ARHGEF26: variants seen among roughly 807,000 people sequenced by gnomAD.
The protein encoded by ARHGEF26 is Rho guanine nucleotide exchange factor (GEF) 26.
ARHGEF26 carries 59 observed loss-of-function variants against 89.4 expected under a neutral mutation model. The observed-to-expected ratio is 0.66, with a 90% confidence interval of 0.54 to 0.82. The LOEUF (loss-of-function observed/expected upper bound fraction) is 0.82, where lower values mean the gene tolerates loss of function less well. Among genes scored for constraint, ARHGEF26 ranks in the 40% least tolerant of loss-of-function variants. The probability of loss-of-function intolerance (pLI) is 0.00; values close to 1 mark genes in which losing one functional copy is unlikely to be tolerated. For synonymous variants in ARHGEF26, 500 were observed against 428.4 expected (o/e 1.17, Z -2.06); for missense variants, 1,234 against 1,085.6 (o/e 1.14, Z -1.92).
intron 6 of ARHGEF26, among the ~76,000 whole-genome samples, chr3:154,173,992 C>G (rs181131478): frequency 6.6e-6 from 1 of 152,262 alleles, no homozygotes; most frequent in East Asian, 1.9e-4. Flanking sequence ...TTATTCAGCC[C>G]AGTGTGCTGA....
At position 154,245,229 on chromosome 3, in the gene ARHGEF26, T is replaced by C. The variant is rs181927048; in HGVS notation, c.2300+4650T>C. Among the ~76,000 whole-genome samples the C allele has an allele frequency of 3.4e-3, 511 of 152,206 alleles. 1 individual carries two copies. The highest frequency in any genetic ancestry group is 0.012 in the African/African-American group (478 of 41,530). ...TGTTAGTAGAGACGGGGTTTCACCA[T>C]GTTGGCCAGGCTGGTCTCAAAACTC... On this transcript the variant is annotated intron_variant, in intron 12 of 14. Transcript: ENST00000465093.
intron 4 of ARHGEF26, among the ~76,000 whole-genome samples, chr3:154,130,861 C>A (rs976578569): frequency 2.0e-5 from 3 of 152,122 alleles, no homozygotes; most frequent in South Asian, 2.1e-4. Context: ...AGGGAACCCA[C>A]TGGTGTAAGA....
intron 3 of ARHGEF26, among the ~76,000 whole-genome samples, chr3:154,125,852 A>G (rs2108038786): frequency 6.6e-6 from 1 of 152,248 alleles, no homozygotes; most frequent in South Asian, 2.1e-4. Context: ...CAAGAATGTA[A>G]CTAAAGAAGC....
intron 12 of ARHGEF26, among the ~76,000 whole-genome samples, chr3:154,248,163 C>T (rs969058892): frequency 2.0e-5 from 3 of 152,218 alleles, no homozygotes; most frequent in Admixed American, 6.5e-5. Flanking sequence ...ACTTTCCTCA[C>T]TCATTATATG....
intron 12 of ARHGEF26, among the ~76,000 whole-genome samples, chr3:154,247,357 T>A (rs903935773): frequency 6.6e-6 from 1 of 152,170 alleles, no homozygotes; most frequent in African/African-American, 2.4e-5. Context: ...TCAGAACAGA[T>A]CCATCACCTG....
At chr3:154,121,719 G>C (rs910398735) in intron 1 of ARHGEF26, among the ~76,000 whole-genome samples, 200 bp downstream of exon 1, 4 of 152,338 alleles carry the variant, frequency 2.6e-5, no homozygotes, top group Non-Finnish European at 4.4e-5. Context: ...TGGCGCGGGA[G>C]GGACGCGGAG....
chr3:154,148,650 G>A (rs1203126115), intron 4 of ARHGEF26, among the ~76,000 whole-genome samples: 9 of 152,148 alleles, frequency 5.9e-5, no homozygotes, highest in Non-Finnish European at 8.8e-5. Context: ...AGAGATTGTG[G>A]GCATGGCACC....
intron 4 of ARHGEF26, among the ~76,000 whole-genome samples, chr3:154,140,675 C>A (rs1008532622): frequency 2.0e-5 from 3 of 150,652 alleles, no homozygotes; most frequent in Admixed American, 6.6e-5. Flanking sequence ...ACCTCCGCCT[C>A]CCATAAGCGA....
intron 9 of ARHGEF26, among the ~76,000 whole-genome samples, chr3:154,209,105 T>A (rs1715211869): frequency 6.6e-6 from 1 of 152,058 alleles, no homozygotes; most frequent in South Asian, 2.1e-4. Context: ...TCTGCTTGAT[T>A]TCTTTTAATT....
intron 10 of ARHGEF26, among the ~76,000 whole-genome samples, chr3:154,219,049 C>T (rs1048857238): frequency 3.3e-5 from 5 of 152,226 alleles, no homozygotes; most frequent in Non-Finnish European, 5.9e-5. Flanking sequence ...CACATGCACA[C>T]ACATGCATGC....
chr3:154,179,588 G>A (rs1448927202), intron 6 of ARHGEF26, among the ~76,000 whole-genome samples: 1 of 152,190 alleles, frequency 6.6e-6, no homozygotes. Flanking sequence ...ATTGTCCTGG[G>A]CTGTGTATTT....
intron 3 of ARHGEF26, among the ~76,000 whole-genome samples, chr3:154,126,255 T>C (rs1227897006): frequency 1.3e-5 from 2 of 152,186 alleles, no homozygotes. Flanking sequence ...AAGGGGCAGA[T>C]GCATGCTTGT....
chr3:154,126,487 C>T (rs145531160), intron 3 of ARHGEF26, among the ~76,000 whole-genome samples: 15 of 152,260 alleles, frequency 9.9e-5, no homozygotes, highest in South Asian at 8.3e-4. Context: ...CATCATCTTT[C>T]GTTGACTACC....
chr3:154,255,265 A>C, intron 14 of ARHGEF26, 66 bp from the exon 15 acceptor site: 1 of 1,529,764 alleles, frequency 6.5e-7, no homozygotes, highest in South Asian at 1.3e-5. Context: ...CAGCTTTTTC[A>C]TATCCTTGGA....
At chr3:154,174,132 G>A (rs1404283443) in intron 6 of ARHGEF26, among the ~76,000 whole-genome samples, 1 of 152,180 alleles carries the variant, frequency 6.6e-6, no homozygotes, top group Non-Finnish European at 1.5e-5. Context: ...ATATAGCTTA[G>A]TAAAGTAGGA....
chr3:154,241,236 T>C (rs1484541053), intron 12 of ARHGEF26, among the ~76,000 whole-genome samples: 2 of 152,208 alleles, frequency 1.3e-5, no homozygotes, highest in Non-Finnish European at 2.9e-5. Context: ...GACCAATGTT[T>C]TTGTTTAGAA....
At chr3:154,243,141 T>G (rs763917432) in intron 12 of ARHGEF26, among the ~76,000 whole-genome samples, 1 of 152,120 alleles carries the variant, frequency 6.6e-6, no homozygotes, top group Non-Finnish European at 1.5e-5. Flanking sequence ...CAAAACAGAA[T>G]TTTTAGTATG....
intron 6 of ARHGEF26, among the ~76,000 whole-genome samples, chr3:154,164,382 T>C (rs974261273): frequency 6.6e-6 from 1 of 152,030 alleles, no homozygotes; most frequent in Non-Finnish European, 1.5e-5. Context: ...TTTTTAATTT[T>C]AAAAATATAT....
chr3:154,124,058 C>T (rs894290455), intron 2 of ARHGEF26, among the ~76,000 whole-genome samples: 1 of 150,478 alleles, frequency 6.6e-6, no homozygotes, highest in African/African-American at 2.5e-5. Context: ...AATTACATAA[C>T]ATTTTATGTG....
Sources: allele counts gnomAD v4.1 joint callset (sites outside exome capture counted in the v4.1 genomes callset), GRCh38; gene constraint gnomAD v4.1.1; transcripts MANE v1.5; gene names NCBI Gene and HGNC (gene_info 2026-07-23, HGNC 2026-07-21).